The following SREBF2 variants were observed in gnomAD, a reference collection of about 807,000 sequenced individuals.
SREBF2 encodes sterol regulatory element binding transcription factor 2.
Under a neutral mutation model 113.1 loss-of-function variants are expected in SREBF2, and 55 were observed. The observed-to-expected ratio is 0.49, with a 90% CI of 0.39 to 0.61. The LOEUF (loss-of-function observed/expected upper bound fraction) is 0.61, where lower values mean the gene tolerates loss of function less well. Among genes scored for constraint, SREBF2 ranks in the 20% least tolerant of loss-of-function variants. The probability of loss-of-function intolerance (pLI) is 0.00; values close to 1 mark genes in which losing one functional copy is unlikely to be tolerated. For missense variants in SREBF2, 1,349 were observed against 1,487.4 expected (o/e 0.91, Z 1.53); for synonymous variants, 593 against 605.7 (o/e 0.98, Z 0.31).
rs1436951417 is a variant in SREBF2 at position 41,906,885 on chromosome 22, T to TCC, written c.*1228_*1229dup. 1 of 152,090 alleles carries TCC rather than the reference T, an allele frequency of 6.6e-6. No homozygotes were observed. Among genetic ancestry groups the TCC allele is most frequent in the African/African-American group, 2.4e-5 (1 of 41,368 alleles). The allele number at this position is 152,090 out of a possible 1,614,324, so 9.4% of individuals were successfully genotyped here. A position where few individuals can be genotyped will look rare whatever the true frequency, so the allele number is the denominator to read the frequency against. Reference sequence around the variant, plus strand: ...GGAGAAAAAGTCCTACTTTTCTGGGTCCCCAGGTGCAGCACCTCCCGGAGA... The same window carrying TCC: ...GGAGAAAAAGTCCTACTTTTCTGGGTCCCCCCAGGTGCAGCACCTCCCGGAGA... On this transcript the variant is annotated 3_prime_UTR_variant, in exon 19 of 19. Coordinates refer to ENST00000361204, the MANE Select transcript of SREBF2 (RefSeq NM_004599.4).
chr22:41,871,018 G>A lies in SREBF2; in HGVS notation c.850G>A (p.Ala284Thr). 1 of 1,613,998 alleles carries A rather than the reference G, an allele frequency of 6.2e-7. No homozygotes were observed. The highest frequency in any genetic ancestry group is 1.1e-5 in the South Asian group (1 of 91,068). Residue 284 changes from alanine (A) to threonine (T), a missense_variant, in exon 4 of 19, where the codon GCT (alanine) becomes ACT (threonine). Ala to Thr is a moderately conservative substitution (Grantham distance 58). Transcript: ENST00000361204. The part of the protein sequence containing the change: ...LTALTTPIQT[A>T]ALQVPTLVGS... ...CGCCCTCACCACCCCTATCCAGACG[G>A]CTGCCCTTCAAGTACCAGTAAGAGC...
At position 41,873,886 on chromosome 22, in the gene SREBF2, G is replaced by C; in HGVS notation, c.956G>C (p.Gly319Ala). 6.2e-7 allele frequency: 1 copy of C among 1,614,100 alleles called. No homozygotes were observed. The highest frequency in any genetic ancestry group is 8.5e-7 in the Non-Finnish European group (1 of 1,180,010). The change falls in exon 5 of 19, where the codon GGA becomes GCA. Residue 319 changes from glycine to alanine, a missense_variant. By Grantham distance (60) the Gly-to-Ala change is moderately conservative (BLOSUM62 0). Transcript: ENST00000361204. ...GTGCCCATTAAGCAGGTACCTGGGG[G>C]AGTCAAGCAGCTTGAGCCCCCCAAA... is the stretch of plus-strand genomic sequence containing the variant. ...EKVPIKQVPG[G>A]VKQLEPPKEG...
chr22:41,885,438 C>G (rs1163621110), intron 11 of SREBF2, among the ~76,000 whole-genome samples: 1 of 152,288 alleles, frequency 6.6e-6, no homozygotes, highest in Non-Finnish European at 1.5e-5. Context: ...GATCACAGCA[C>G]TGTGAATCCA....
At chr22:41,892,572 C>T (rs554678506) in intron 11 of SREBF2, among the ~76,000 whole-genome samples, 44 of 142,406 alleles carry the variant, frequency 3.1e-4, no homozygotes, top group Non-Finnish European at 5.4e-4. Flanking sequence ...GGCGTGAACC[C>T]GGGAGGCAGA....
rs1290825976 is a variant in SREBF2, at chr22:41,844,027, AATAC to A, written c.88+10675_88+10678del. Among the ~76,000 whole-genome samples the A allele has an allele frequency of 2.5e-3, 113 of 45,914 alleles. 1 individual carries two copies. Among genetic ancestry groups the A allele is most frequent in the African/African-American group, 7.9e-3 (105 of 13,288 alleles). The allele number at this position is 45,914 out of a possible 152,430, so 30.1% of individuals were successfully genotyped here. ...CGAGACCCTGTCTCAAAAAAAAAAA[AATAC>A]ATACACACACACACACACACACACA... is the stretch of plus-strand genomic sequence containing the variant. On this transcript the variant is annotated intron_variant, in intron 1 of 18. Transcript: ENST00000361204.
chr22:41,886,239 T>G (rs1392076801), intron 11 of SREBF2: 2 of 152,210 alleles, frequency 1.3e-5, no homozygotes, highest in Non-Finnish European at 2.9e-5. Flanking sequence ...CACATCATTC[T>G]TCCTATTCAT....
At chr22:41,896,713 G>T (rs533966170) in intron 13 of SREBF2, among the ~76,000 whole-genome samples, 3 of 152,332 alleles carry the variant, frequency 2.0e-5, no homozygotes, top group Admixed American at 6.5e-5. Flanking sequence ...CCTGAGGAGA[G>T]GGGGAGGGGG....
At chr22:41,838,340 G>A (rs1236291837) in intron 1 of SREBF2, among the ~76,000 whole-genome samples, 2 of 152,208 alleles carry the variant, frequency 1.3e-5, no homozygotes, top group South Asian at 4.1e-4. Context: ...GTGAGGTGGA[G>A]CTAAATTGTA....
chr22:41,872,151 G>A (rs568734709), intron 4 of SREBF2, among the ~76,000 whole-genome samples: 130 of 151,850 alleles, frequency 8.6e-4, no homozygotes, highest in African/African-American at 3.0e-3. Flanking sequence ...TCGGGAGGCC[G>A]AGGTAGGAGA....
intron 1 of SREBF2, among the ~76,000 whole-genome samples, chr22:41,842,747 G>A (rs2076841320): frequency 2.6e-5 from 4 of 152,148 alleles, no homozygotes; most frequent in Admixed American, 2.6e-4. Context: ...CCCAGCACTT[G>A]GGGAGGCCGA....
At chr22:41,877,889 G>A in intron 8 of SREBF2, 53 bp from the exon 9 acceptor site, 1 of 1,602,322 alleles carries the variant, frequency 6.2e-7, no homozygotes, top group South Asian at 1.1e-5. Flanking sequence ...TCAGGTGCCT[G>A]GCTGCTCCGC....
chr22:41,882,676 C>T (rs565120711), intron 10 of SREBF2, among the ~76,000 whole-genome samples: 4 of 152,266 alleles, frequency 2.6e-5, no homozygotes, highest in Non-Finnish European at 4.4e-5. Context: ...TGTGGTGGCA[C>T]GTGCCTATAA....
intron 11 of SREBF2, 122 bp downstream of exon 11, chr22:41,885,133 G>A: frequency 8.3e-7 from 1 of 1,209,614 alleles, no homozygotes; most frequent in Non-Finnish European, 1.2e-6. Context: ...GGAGGGGTAG[G>A]CAGGCATTCA....
At chr22:41,892,984 G>A (rs1430128897) in intron 11 of SREBF2, 133 bp from the exon 12 acceptor site, 3 of 1,090,184 alleles carry the variant, frequency 2.8e-6, no homozygotes, top group Non-Finnish European at 4.1e-6. Context: ...ACCTGTGGGA[G>A]TCCTATCCCT....
chr22:41,841,543 G>C (rs2076830471), intron 1 of SREBF2, among the ~76,000 whole-genome samples: 1 of 152,086 alleles, frequency 6.6e-6, no homozygotes, highest in Non-Finnish European at 1.5e-5. Context: ...CAGGCCTTTG[G>C]CCTAATGTTC....
At chr22:41,835,133 TTTA>T (rs2148332568) in intron 1 of SREBF2, among the ~76,000 whole-genome samples, 1 of 130,744 alleles carries the variant, frequency 7.6e-6, no homozygotes, top group African/African-American at 2.9e-5. Context: ...TCTTATTTTG[TTTA>T]TCTGATTTTT....
Position 41,903,058 on chromosome 22 carries a change from A to C in SREBF2, c.2996A>C (p.Glu999Ala). 4 of 1,605,690 alleles carry C rather than the reference A, an allele frequency of 2.5e-6. No homozygotes were observed. The highest frequency in any genetic ancestry group is 3.4e-6 in the Non-Finnish European group (4 of 1,176,412). Reference protein sequence around the residue: ...KQASASQAVGETYHASGAELA... With the variant: ...KQASASQAVGATYHASGAELA... ...GCCAGTGCCAGCCAGGCTGTGGGGG[A>C]GACCTACCACGCGTCAGGCGCTGAA... The change falls in exon 17 of 19, where the codon GAG becomes GCG. Residue 999 changes from glutamate (E) to alanine (A), a missense_variant. Physicochemically the swap from Glu to Ala is moderately radical, Grantham distance 107. Around this residue, in one of 2 missense-constraint regions of SREBF2, gnomAD observed 650 missense variants for 644.1 expected, o/e 1.01. Coordinates refer to ENST00000361204, the MANE Select transcript of SREBF2 (RefSeq NM_004599.4).
At chr22:41,853,689 A>C in intron 1 of SREBF2, among the ~76,000 whole-genome samples, 1 of 152,208 alleles carries the variant, frequency 6.6e-6, no homozygotes, top group East Asian at 1.9e-4. Flanking sequence ...TCTAACTTTT[A>C]AAAATATCTT....
intron 1 of SREBF2, among the ~76,000 whole-genome samples, chr22:41,836,236 T>C (rs2076773357): frequency 6.6e-6 from 1 of 152,240 alleles, no homozygotes; most frequent in Admixed American, 6.5e-5. Context: ...TGTCTTCAGT[T>C]GATCAACAAG....
Sources: allele counts gnomAD v4.1 joint callset (sites outside exome capture counted in the v4.1 genomes callset), GRCh38; gene constraint gnomAD v4.1.1; regional missense constraint gnomAD v4.1.1; transcripts MANE v1.5; gene names NCBI Gene and HGNC (gene_info 2026-07-23, HGNC 2026-07-21).